Variants in BANK1 observed in about 807,000 individuals in gnomAD.
BANK1 encodes the protein B-cell scaffold protein with ankyrin repeats.
BANK1 carries 95 observed loss-of-function variants against 94.5 expected under a neutral mutation model. The ratio of observed to expected loss-of-function variants is 1.00; its 90% confidence interval spans 0.85 to 1.19. BANK1 has a LOEUF of 1.19. Ranked by LOEUF, BANK1 falls within the 50% of genes most tolerant of loss-of-function variation. The probability of loss-of-function intolerance (pLI) is 0.00; values close to 1 mark genes in which losing one functional copy is unlikely to be tolerated. For missense variants in BANK1, 987 were observed against 932.2 expected (o/e 1.06, Z -0.77); for synonymous variants, 334 against 308.4 (o/e 1.08, Z -0.87).
chr4:102,042,873 GCA>G (rs1727748152), intron 10 of BANK1, among the ~76,000 whole-genome samples: 2 of 151,900 alleles, frequency 1.3e-5, no homozygotes, highest in African/African-American at 4.8e-5. Context: ...AGGGGAAGTG[GCA>G]GTAGTGCTGT....
At chr4:101,988,621 A>C (rs557508440) in intron 7 of BANK1, among the ~76,000 whole-genome samples, 12 of 152,346 alleles carry the variant, frequency 7.9e-5, no homozygotes, top group African/African-American at 2.9e-4. Context: ...GTTACAGATA[A>C]TATGTGTATG....
intron 1 of BANK1, among the ~76,000 whole-genome samples, chr4:101,808,684 G>A (rs1330256713): frequency 6.6e-6 from 1 of 151,734 alleles, no homozygotes; most frequent in African/African-American, 2.4e-5. Context: ...CATCAAAAAG[G>A]GGGCAAAGGA....
intron 7 of BANK1, among the ~76,000 whole-genome samples, chr4:101,947,284 A>AATATATAT (rs36202521): frequency 1.7e-4 from 10 of 58,226 alleles, no homozygotes; most frequent in Non-Finnish European, 3.8e-4. Flanking sequence ...AGAAGTTGTA[A>AATATATAT]ATATATATAT....
intron 7 of BANK1, among the ~76,000 whole-genome samples, chr4:101,932,295 G>C (rs1298718104): frequency 2.0e-5 from 3 of 151,508 alleles, no homozygotes. Context: ...TTGGCAAGTA[G>C]ATCTATTAAA....
chr4:101,811,276 A>G (rs79909634), intron 1 of BANK1, among the ~76,000 whole-genome samples: 3,036 of 152,280 alleles, frequency 0.02, 47 homozygotes, highest in Middle Eastern at 0.044. Flanking sequence ...ATATTATTTT[A>G]TGGTCTCACT....
intron 1 of BANK1, among the ~76,000 whole-genome samples, chr4:101,804,848 G>A (rs4699262): frequency 0.25 from 37,708 of 152,004 alleles, 5,216 homozygotes; most frequent in Non-Finnish European, 0.32. Context: ...AGTTTTTGAG[G>A]AATCAAAGTT....
intron 7 of BANK1, among the ~76,000 whole-genome samples, chr4:101,947,109 A>G (rs1424779045): frequency 6.6e-6 from 1 of 151,502 alleles, no homozygotes; most frequent in East Asian, 2.0e-4. Context: ...CATTTCTGCA[A>G]TGTGCTTGAG....
chr4:101,796,523 T>C (rs747723376), intron 1 of BANK1, among the ~76,000 whole-genome samples: 6 of 152,192 alleles, frequency 3.9e-5, no homozygotes, highest in Admixed American at 6.5e-5. Context: ...CTGGTGGTCC[T>C]GCAGATGAGC....
chr4:101,801,756 A>G (rs17200433), intron 1 of BANK1, among the ~76,000 whole-genome samples: 40,675 of 152,214 alleles, frequency 0.27, 5,741 homozygotes, highest in Non-Finnish European at 0.32. Flanking sequence ...TTAAAAACTT[A>G]TAAGACCACA....
At chr4:101,828,462 C>T (rs1726458850) in intron 1 of BANK1, among the ~76,000 whole-genome samples, 1 of 150,218 alleles carries the variant, frequency 6.7e-6, no homozygotes, top group South Asian at 2.1e-4. Context: ...TCCAGAACTC[C>T]AGCAGGCTCT....
At chr4:101,986,897 G>A (rs201214941) in intron 7 of BANK1, among the ~76,000 whole-genome samples, 6,264 of 57,424 alleles carry the variant, frequency 0.11, 691 homozygotes, top group Non-Finnish European at 0.12. Flanking sequence ...GTGTGTGTGT[G>A]TGTATATATA....
intron 7 of BANK1, among the ~76,000 whole-genome samples, chr4:101,949,985 C>G (rs996303756): frequency 1.3e-5 from 2 of 151,070 alleles, no homozygotes; most frequent in African/African-American, 4.9e-5. Flanking sequence ...GGCAAGGATG[C>G]CTATAAACTA....
intron 1 of BANK1, among the ~76,000 whole-genome samples, 153 bp from the exon 2 acceptor site, chr4:101,829,655 G>A (rs1302084438): frequency 6.6e-6 from 1 of 151,504 alleles, no homozygotes; most frequent in Non-Finnish European, 1.5e-5. Flanking sequence ...TTTAATCTAT[G>A]ATTTTTTATA....
At chr4:101,813,199 G>A (rs1038044938) in intron 1 of BANK1, among the ~76,000 whole-genome samples, 1 of 152,082 alleles carries the variant, frequency 6.6e-6, no homozygotes. Context: ...GTAAATAGAT[G>A]ATTTGGCCCT....
chr4:101,819,984 A>G (rs1302051908), intron 1 of BANK1, among the ~76,000 whole-genome samples: 2 of 150,676 alleles, frequency 1.3e-5, no homozygotes, highest in Admixed American at 1.3e-4. Context: ...CACAAAGCCT[A>G]AAGTATTTAC....
At chr4:101,907,392 A>G (rs1457068023) in intron 6 of BANK1, among the ~76,000 whole-genome samples, 1 of 152,238 alleles carries the variant, frequency 6.6e-6, no homozygotes, top group Non-Finnish European at 1.5e-5. Flanking sequence ...TTAGGTATTA[A>G]TGGAACATAT....
intron 1 of BANK1, among the ~76,000 whole-genome samples, chr4:101,808,334 C>G (rs565883540): frequency 6.6e-6 from 1 of 152,014 alleles, no homozygotes; most frequent in African/African-American, 2.4e-5. Flanking sequence ...TTGTCACCTA[C>G]TAATAGATCA....
chr4:101,862,080 ACT>A lies in BANK1; in HGVS notation c.625-445_625-444del, dbSNP rs1560606203. Among the ~76,000 whole-genome samples, 6 of 152,104 alleles carry A rather than the reference ACT, an allele frequency of 3.9e-5. No individual in the cohort carries two copies. The East Asian group carries it at 9.6e-4, about 24-fold the overall frequency. On this transcript the variant is annotated intron_variant, in intron 3 of 16. Transcript: ENST00000322953. The stretch of plus-strand genomic sequence containing the variant: ...ATATTTAAATTGTAAGAGATCTTAA[ACT>A]TTTTCAATTCTATCATTTATAGATA...
intron 6 of BANK1, among the ~76,000 whole-genome samples, chr4:101,901,434 T>C (rs1467093718): frequency 1.3e-5 from 2 of 152,332 alleles, no homozygotes; most frequent in Admixed American, 1.3e-4. Flanking sequence ...CATTTTCCAA[T>C]GTAGTGAACC....
Sources: allele counts gnomAD v4.1 joint callset (sites outside exome capture counted in the v4.1 genomes callset), GRCh38; gene constraint gnomAD v4.1.1; transcripts MANE v1.5; gene names NCBI Gene and HGNC (gene_info 2026-07-23, HGNC 2026-07-21).